The following INF2 variants were observed in gnomAD, a reference collection of about 807,000 sequenced individuals.
INF2 encodes inverted formin 2.
In INF2, 43 loss-of-function variants were observed where a neutral mutation model predicts 123.5. That is an observed-to-expected ratio of 0.35 (90% confidence interval 0.27 to 0.45). The LOEUF (loss-of-function observed/expected upper bound fraction) is 0.45. Ranked by LOEUF, INF2 falls within the 20% of genes least tolerant of loss-of-function variation. INF2 has a pLI of 1.00. For missense variants in INF2, 1,453 were observed against 1,682.7 expected, an observed-to-expected ratio of 0.86 and a Z score of 2.39; for synonymous variants, 851 against 745.0, an observed-to-expected ratio of 1.14 and a Z score of -2.32.
chr14:104,684,828 T>C (rs72713894), upstream of INF2: 13,549 of 152,306 alleles, frequency 0.089, 777 homozygotes, highest in Middle Eastern at 0.18. The surrounding 1 kb of genome is among the most constrained non-coding windows in gnomAD (Gnocchi z 5.0). Context: ...GAGGGCCAGG[T>C]TCCTACGAGC....
At chr14:104,715,625 C>T (rs754096918) in intron 22 of INF2, 12 of 590,480 alleles carry the variant, frequency 2.0e-5, no homozygotes, top group African/African-American at 7.4e-5. Context: ...CAGGGCCAGC[C>T]GGACTCCCTT....
At chr14:104,717,833 C>T (rs1890384113) in intron 22 of INF2, among the ~76,000 whole-genome samples, 1 of 152,246 alleles carries the variant, frequency 6.6e-6, no homozygotes, top group Non-Finnish European at 1.5e-5. Flanking sequence ...GAACCAACCG[C>T]TGCAGCGCGG....
chr14:104,711,269 CA>C (rs1890034289), intron 15 of INF2, 83 bp downstream of exon 15: 9 of 1,184,276 alleles, frequency 7.6e-6, no homozygotes, highest in South Asian at 3.9e-5. Context: ...GCCATACCCC[CA>C]TGCCCACCAC....
chr14:104,694,215 C>T (rs770523366), intron 1 of INF2, among the ~76,000 whole-genome samples: 1 of 152,356 alleles, frequency 6.6e-6, no homozygotes, highest in South Asian at 2.1e-4. Flanking sequence ...GTCAGAGCTA[C>T]GGGGCCCTGG....
chr14:104,692,671 C>T (rs547003282), intron 1 of INF2, among the ~76,000 whole-genome samples: 92 of 152,348 alleles, frequency 6.0e-4, no homozygotes, highest in African/African-American at 2.1e-3. Context: ...GACAACTGCC[C>T]AAGGGCCAGC....
rs1890099224 is a variant in INF2, at chr14:104,712,448, C to A, written c.2505C>A (p.Ile835=). 6.2e-7 allele frequency: 1 copy of A among 1,612,498 alleles called. No homozygotes were observed. Among genetic ancestry groups the A allele is most frequent in the African/African-American group, 1.3e-5 (1 of 74,938 alleles). Residue 835 remains isoleucine, a synonymous_variant, in exon 17 of 23, where the codon ATC becomes ATA. Coordinates refer to ENST00000392634, the MANE Select transcript of INF2 (RefSeq NM_022489.4). ...CACCTTTCAGGATCAACCTGGAGAT[C>A]ATCCGCTCAGAGGCCAGCTCCAACC... ...PSQAAGINLE[I]IRSEASSNLK...
rs1256824496 is a variant in INF2, at chr14:104,711,883, C to A, written c.2489+184C>A. Reference sequence around the variant, plus strand: ...AGGACCGGGTCTGCCGTGGCCTATCCCCTTCTGACTTAAGCGAGGAAACAG... The same window carrying A: ...AGGACCGGGTCTGCCGTGGCCTATCACCTTCTGACTTAAGCGAGGAAACAG... On this transcript the variant is annotated intron_variant, in intron 16 of 22. Transcript: ENST00000392634. 2.0e-5 allele frequency among the ~76,000 whole-genome samples: 3 copies of A among 152,322 alleles called. No individual in the cohort carries two copies. In the East Asian group the frequency reaches 5.8e-4, roughly 29 times the overall value.
In INF2 at chr14:104,713,617, C is replaced by G; in HGVS notation, c.3040+11C>G. On this transcript the variant is annotated intron_variant, in intron 20 of 22. Coordinates refer to ENST00000392634, the MANE Select transcript of INF2 (RefSeq NM_022489.4). ...GAGCCACAGAGCCTGGTAAGACCCT[C>G]TCCCACTGCCTCCTCATGGTCCCCT... is the stretch of plus-strand genomic sequence containing the variant. The G allele has an allele frequency of 6.2e-7, 1 of 1,610,946 alleles. No homozygotes were observed. The highest frequency in any genetic ancestry group is 8.5e-7 in the Non-Finnish European group (1 of 1,178,734).
intron 4 of INF2, among the ~76,000 whole-genome samples, chr14:104,703,659 G>A (rs1180228844): frequency 2.0e-5 from 3 of 152,224 alleles, no homozygotes; most frequent in African/African-American, 4.8e-5. Flanking sequence ...ACCCTGGACC[G>A]TTCTCATTTG....
chr14:104,685,506 G>C (rs575300173), upstream of INF2, among the ~76,000 whole-genome samples: 1 of 151,006 alleles, frequency 6.6e-6, no homozygotes, highest in South Asian at 2.1e-4. Context: ...GGGGGCGGTC[G>C]TGTCCTTGTC....
Position 104,684,326 on chromosome 14 carries a change from C to T in INF2, c.-104+2744C>T, listed in dbSNP as rs1888608412. The T allele has an allele frequency of 9.2e-6, 3 of 326,068 alleles. No individual in the cohort carries two copies. The highest frequency in any genetic ancestry group is 8.4e-5 in the Admixed American group (2 of 23,912). The allele number at this position is 326,068 out of a possible 1,614,324, so 20.2% of individuals were successfully genotyped here. On this transcript the variant is annotated intron_variant, in intron 1 of 2. Transcript: ENST00000674723. This position sits in a 1 kb window ranked among gnomAD's most constrained non-coding sequence, Gnocchi z 5.0. ...TGGCTTAGCCTGCTCAGTGAGGTGC[C>T]CGAAGGAGGCCCACCAGCTCTGCCA...
At chr14:104,687,479 T>TACACAC (rs5811149), upstream of INF2, among the ~76,000 whole-genome samples, 21 of 131,902 alleles carry the variant, frequency 1.6e-4, no homozygotes, top group African/African-American at 5.1e-4. This position sits in a 1 kb window ranked among gnomAD's most constrained non-coding sequence, Gnocchi z 5.6. Flanking sequence ...CACACACACA[T>TACACAC]ACACACACAC....
intron 20 of INF2, 119 bp downstream of exon 20, chr14:104,713,725 G>A: frequency 8.5e-7 from 1 of 1,172,068 alleles, no homozygotes; most frequent in Non-Finnish European, 1.2e-6. Context: ...CCACCCTGGA[G>A]GCCCCTAAGA....
intron 1 of INF2, among the ~76,000 whole-genome samples, chr14:104,683,072 C>A (rs562047888): frequency 1.9e-5 from 2 of 104,452 alleles, no homozygotes; most frequent in East Asian, 7.7e-4. Flanking sequence ...GGATTACAGG[C>A]GTGAGCCACT....
rs1889808091 is a variant in INF2, at chr14:104,706,973, C to G, written c.907C>G (p.Pro303Ala). The G allele has an allele frequency of 1.2e-6, 2 of 1,600,476 alleles. No homozygotes were observed. The highest frequency in any genetic ancestry group is 1.7e-6 in the Non-Finnish European group (2 of 1,178,992). The change falls in exon 7 of 23, where the codon CCC becomes GCC. Residue 303 changes from proline to alanine, a missense_variant. Pro to Ala is a conservative substitution (Grantham distance 27). Around this residue, in one of 8 missense-constraint regions of INF2, gnomAD observed 374 missense variants for 303.7 expected, o/e 1.23. Transcript: ENST00000392634. ...SVLQGLLHLE[P>A]TLRSSQLLWE... ...GCTGCAGGGCCTCCTGCACCTGGAG[C>G]CCACCCTCCGCTCCAGCCAGCTGCT...
At chr14:104,703,585 C>G (rs1402634388) in intron 4 of INF2, 131 bp downstream of exon 4, 1 of 1,244,508 alleles carries the variant, frequency 8.0e-7, no homozygotes, top group Non-Finnish European at 1.1e-6. Context: ...GAGGAAGGCG[C>G]CATCTCGGGC....
At chr14:104,714,891 G>A (rs1415034686) in intron 21 of INF2, 35 bp downstream of exon 21, 19 of 1,491,950 alleles carry the variant, frequency 1.3e-5, no homozygotes, top group East Asian at 4.8e-5. Flanking sequence ...ACCGTCCCAC[G>A]CCAGGGCGCT....
chr14:104,681,726 G>T lies in INF2; in HGVS notation c.-104+144G>T, dbSNP rs140097217. 256 of 609,972 alleles carry T rather than the reference G, an allele frequency of 4.2e-4. 2 individuals carry two copies. In the African/African-American group the frequency reaches 4.4e-3, roughly 10 times the overall value. The allele number at this position is 609,972 out of a possible 1,614,324, so 37.8% of individuals were successfully genotyped here. On this transcript the variant is annotated intron_variant, in intron 1 of 2. Coordinates refer to the INF2 transcript ENST00000674723. ...GAGGGCAGCACGCTGGTGCAGAGCCGGGACAGCCTGGGGTTCACTCACTGG... is the reference window on the plus strand; with the variant it reads ...GAGGGCAGCACGCTGGTGCAGAGCCTGGACAGCCTGGGGTTCACTCACTGG...
Position 104,699,671 on chromosome 14 carries a change from G to C in INF2, c.-9-1686G>C. 6 of 823,496 alleles carry C rather than the reference G, an allele frequency of 7.3e-6. No individual in the cohort carries two copies. Among genetic ancestry groups the C allele is most frequent in the Non-Finnish European group, 8.8e-6 (6 of 682,478 alleles). 51.0% of individuals were successfully genotyped at this position (823,496 alleles called of 1,614,324 possible). On this transcript the variant is annotated intron_variant, in intron 1 of 22. Coordinates refer to ENST00000392634, the MANE Select transcript of INF2 (RefSeq NM_022489.4). The surrounding 1 kb of genome is among the most constrained non-coding windows in gnomAD (Gnocchi z 4.7). Reference sequence around the variant, plus strand: ...TGGCTTAAAACCACAGTGCACCGGGGGCTCCGGGCTCTCCGTTCTACAGTG... The same window carrying C: ...TGGCTTAAAACCACAGTGCACCGGGCGCTCCGGGCTCTCCGTTCTACAGTG...
Sources: gnomAD v4.1 joint callset for allele counts (sites outside exome capture counted in the v4.1 genomes callset) on GRCh38, gnomAD v4.1.1 for gene constraint, gnomAD v4.1.1 regional missense constraint, Gnocchi (gnomAD v3.1) non-coding constraint, MANE v1.5 for transcripts, NCBI Gene and HGNC (gene_info 2026-07-23, HGNC 2026-07-21) for gene names.